Variants in L3MBTL4 observed in about 807,000 individuals in gnomAD.
L3MBTL4 encodes the protein lethal(3)malignant brain tumor-like protein 4.
A neutral mutation model predicts 84.5 loss-of-function variants in L3MBTL4; 70 were observed. The observed-to-expected ratio is 0.83, with a 90% confidence interval of 0.68 to 1.01. L3MBTL4 has a LOEUF of 1.01. Among genes scored for constraint, L3MBTL4 ranks in the 50% least tolerant of loss-of-function variants. The probability of loss-of-function intolerance (pLI) is 0.00; values close to 1 mark genes in which losing one functional copy is unlikely to be tolerated. For synonymous variants in L3MBTL4, 274 were observed against 259.8 expected, an observed-to-expected ratio of 1.05 and a Z score of -0.52; for missense variants, 715 against 754.8, an observed-to-expected ratio of 0.95 and a Z score of 0.62.
intron 17 of L3MBTL4, among the ~76,000 whole-genome samples, chr18:5,964,854 C>T (rs1000607133): frequency 2.0e-5 from 3 of 152,176 alleles, no homozygotes; most frequent in Non-Finnish European, 4.4e-5. Flanking sequence ...CTACATAAAA[C>T]CCACCTGCCT....
chr18:6,197,731 ACTGT>A (rs1313916198), intron 12 of L3MBTL4, among the ~76,000 whole-genome samples: 8 of 152,174 alleles, frequency 5.3e-5, no homozygotes, highest in Non-Finnish European at 1.2e-4. Flanking sequence ...GTAGCTGCAG[ACTGT>A]CTGTGATTCT....
intron 4 of L3MBTL4, among the ~76,000 whole-genome samples, chr18:6,280,524 T>G (rs2049278211): frequency 6.6e-6 from 1 of 152,180 alleles, no homozygotes; most frequent in South Asian, 2.1e-4. Context: ...TAATTCCCAT[T>G]TCCTTCAAGG....
At chr18:6,057,533 ACTT>A (rs1202314243) in intron 16 of L3MBTL4, among the ~76,000 whole-genome samples, 1 of 152,206 alleles carries the variant, frequency 6.6e-6, no homozygotes, top group African/African-American at 2.4e-5. Context: ...TTCTTTAAAT[ACTT>A]CTTGTTTACT....
intron 13 of L3MBTL4, among the ~76,000 whole-genome samples, chr18:6,151,549 G>A (rs2042896146): frequency 6.6e-6 from 1 of 151,786 alleles, no homozygotes; most frequent in Non-Finnish European, 1.5e-5. Context: ...CGCGCCACCA[G>A]GCACGGCTAA....
intron 1 of L3MBTL4, among the ~76,000 whole-genome samples, chr18:6,368,812 C>A (rs1310204981): frequency 6.6e-6 from 1 of 152,030 alleles, no homozygotes; most frequent in Non-Finnish European, 1.5e-5. Flanking sequence ...GAGGCCGAGG[C>A]GGGCAGATCA....
intron 16 of L3MBTL4, among the ~76,000 whole-genome samples, chr18:5,993,630 A>AACAGTG (rs2053807411): frequency 1.3e-5 from 2 of 152,224 alleles, no homozygotes; most frequent in African/African-American, 4.8e-5. Flanking sequence ...TGCTCACCAA[A>AACAGTG]GAAAATAATT....
At chr18:6,339,284 T>G (rs778616261) in intron 1 of L3MBTL4, among the ~76,000 whole-genome samples, 1 of 152,168 alleles carries the variant, frequency 6.6e-6, no homozygotes, top group African/African-American at 2.4e-5. Context: ...AGTTTAATTA[T>G]AGTCACTCAA....
intron 5 of L3MBTL4, among the ~76,000 whole-genome samples, chr18:6,248,298 C>T (rs2047772153): frequency 6.6e-6 from 1 of 152,176 alleles, no homozygotes; most frequent in African/African-American, 2.4e-5. Flanking sequence ...GCAACTTTCC[C>T]TCCCTCCTGT....
chr18:6,159,639 G>A (rs965460739), intron 13 of L3MBTL4, among the ~76,000 whole-genome samples: 4 of 152,178 alleles, frequency 2.6e-5, no homozygotes, highest in African/African-American at 9.7e-5. Context: ...GTCCCTGCAC[G>A]GGAGGCTCCA....
intron 1 of L3MBTL4, among the ~76,000 whole-genome samples, chr18:6,412,420 G>A (rs773007801): frequency 3.3e-4 from 50 of 152,152 alleles, no homozygotes; most frequent in Admixed American, 7.2e-4. Flanking sequence ...ACCCTCCTTC[G>A]GCTCTCTGGA....
intron 13 of L3MBTL4, among the ~76,000 whole-genome samples, chr18:6,151,268 C>T (rs1388819188): frequency 6.6e-6 from 1 of 152,134 alleles, no homozygotes; most frequent in Non-Finnish European, 1.5e-5. Flanking sequence ...ATAATTTGTG[C>T]CAACTCATAA....
chr18:6,125,384 T>G (rs983630173), intron 14 of L3MBTL4, among the ~76,000 whole-genome samples: 1 of 152,236 alleles, frequency 6.6e-6, no homozygotes, highest in African/African-American at 2.4e-5. Context: ...GGATGGGATT[T>G]TCTTTCTTTT....
rs575524021 is a variant in L3MBTL4, at chr18:6,394,203, C to T, written c.-91+20598G>A. Among the ~76,000 whole-genome samples, 28 of 152,268 alleles carry T rather than the reference C, an allele frequency of 1.8e-4. No homozygotes were observed. In the South Asian group the frequency reaches 5.4e-3, roughly 29 times the overall value. The stretch of plus-strand genomic sequence containing the variant: ...ATAAACATGGCTGAGTGTGGTGGCT[C>T]ACGGCTGTAATCCCAGCACTTTGGG... On this transcript the variant is annotated intron_variant, in intron 1 of 18. Transcript: ENST00000317931.
At chr18:6,286,595 G>A (rs1392635719) in intron 4 of L3MBTL4, among the ~76,000 whole-genome samples, 3 of 152,010 alleles carry the variant, frequency 2.0e-5, no homozygotes, top group African/African-American at 4.8e-5. Context: ...TGCAATTCTC[G>A]CTTCCCAAAT....
chr18:6,220,257 G>A (rs1303785407), intron 10 of L3MBTL4, among the ~76,000 whole-genome samples: 1 of 152,026 alleles, frequency 6.6e-6, no homozygotes, highest in Non-Finnish European at 1.5e-5. Context: ...CGATTACACA[G>A]GGGAAAAGCA....
At chr18:6,017,226 A>G (rs1567987411) in intron 16 of L3MBTL4, among the ~76,000 whole-genome samples, 1 of 152,228 alleles carries the variant, frequency 6.6e-6, no homozygotes, top group Non-Finnish European at 1.5e-5. Context: ...CTGATGTTGA[A>G]AGAAACATGC....
Position 6,237,982 on chromosome 18 carries a change from T to C in L3MBTL4, c.766A>G (p.Thr256Ala), listed in dbSNP as rs1229491783. Residue 256 changes from threonine (T) to alanine (A), a missense_variant, in exon 10 of 19, where the codon ACT (threonine) becomes GCT (alanine). By Grantham distance (58) the Thr-to-Ala change is moderately conservative. Coordinates refer to ENST00000317931, the MANE Select transcript of L3MBTL4 (RefSeq NM_001330559.2). ...CACTCACCTTGGGGTGCTATCAGAG[T>C]TCTTCCATTCTCCTGACACCAACCA... is the stretch of plus-strand genomic sequence containing the variant. ...PVGWCQENGR[T>A]LIAPQGYPNP... The C allele has an allele frequency of 1.9e-6, 3 of 1,613,934 alleles. No individual in the cohort carries two copies. Among genetic ancestry groups the C allele is most frequent in the African/African-American group, 2.7e-5 (2 of 74,894 alleles).
chr18:6,174,409 T>C (rs2044126758), intron 12 of L3MBTL4, among the ~76,000 whole-genome samples: 1 of 152,100 alleles, frequency 6.6e-6, no homozygotes, highest in Non-Finnish European at 1.5e-5. Context: ...ATGGAAACTA[T>C]AAAAGAGAAG....
intron 14 of L3MBTL4, among the ~76,000 whole-genome samples, chr18:6,137,953 A>G (rs764937027): frequency 2.0e-5 from 3 of 152,166 alleles, no homozygotes; most frequent in Non-Finnish European, 4.4e-5. Flanking sequence ...AAATTATTAG[A>G]AAACAGAGAT....
Sources: gnomAD v4.1 joint callset for allele counts (sites outside exome capture counted in the v4.1 genomes callset) on GRCh38, gnomAD v4.1.1 for gene constraint, MANE v1.5 for transcripts, NCBI Gene and HGNC (gene_info 2026-07-23, HGNC 2026-07-21) for gene names.